Variants in MYOM3 observed in about 807,000 individuals in gnomAD.
The protein encoded by MYOM3 is myomesin-3.
A neutral mutation model predicts 191.7 loss-of-function variants in MYOM3; 155 were observed. The observed-to-expected ratio is 0.81, with a 90% CI of 0.71 to 0.92. MYOM3 has a LOEUF of 0.92. MYOM3 is among the 40% of genes least tolerant of loss of function. MYOM3 has a pLI of 0.00. For synonymous variants in MYOM3, 757 were observed against 762.9 expected (o/e 0.99, Z 0.13); for missense variants, 1,889 against 1,890.6 (o/e 1.00, Z 0.02).
chr1:24,074,652 T>C (rs1398938275), intron 22 of MYOM3, among the ~76,000 whole-genome samples: 2 of 152,098 alleles, frequency 1.3e-5, no homozygotes, highest in Non-Finnish European at 2.9e-5. Context: ...ATACTATAGA[T>C]GAAGAACCTG....
chr1:24,094,371 C>T (rs1222140276), intron 9 of MYOM3, among the ~76,000 whole-genome samples: 6 of 152,098 alleles, frequency 3.9e-5, no homozygotes, highest in Admixed American at 1.3e-4. Context: ...GGGGTTTTGC[C>T]ATGTTGGCTA....
chr1:24,064,682 T>C (rs1019652618), intron 29 of MYOM3, among the ~76,000 whole-genome samples: 2 of 152,240 alleles, frequency 1.3e-5, no homozygotes, highest in Non-Finnish European at 2.9e-5. Flanking sequence ...ACTTGAGTTG[T>C]GCTTTCAAGG....
At position 24,063,621 on chromosome 1, in the gene MYOM3, G is replaced by T; in HGVS notation, c.3623-91C>A. 6.9e-7 allele frequency: 1 copy of T among 1,459,296 alleles called. No homozygotes were observed. Among genetic ancestry groups the T allele is most frequent in the Non-Finnish European group, 9.5e-7 (1 of 1,047,244 alleles). The allele number at this position is 1,459,296 out of a possible 1,614,324, so 90.4% of individuals were successfully genotyped here. On this transcript the variant is annotated intron_variant, in intron 30 of 36. Coordinates refer to ENST00000374434, the MANE Select transcript of MYOM3 (RefSeq NM_152372.4). This position sits in a 1 kb window ranked among gnomAD's most constrained non-coding sequence, Gnocchi z 4.5. ...GACATCCTAGAAAAAGGCTGGTGGAGCCCGTGAGCTGCTCTCAGGGGGACA... is the reference window on the plus strand; with the variant it reads ...GACATCCTAGAAAAAGGCTGGTGGATCCCGTGAGCTGCTCTCAGGGGGACA...
intron 34 of MYOM3, 21 bp from the exon 35 acceptor site, chr1:24,061,103 C>T (rs763787994): frequency 5.6e-6 from 9 of 1,614,030 alleles, no homozygotes; most frequent in Middle Eastern, 1.6e-4. Flanking sequence ...GAAATGGGAA[C>T]AAGGTGTGAC....
chr1:24,067,411 C>T lies in MYOM3; in HGVS notation c.3356-323G>A, dbSNP rs12030024. On this transcript the variant is annotated intron_variant, in intron 27 of 36. Transcript: ENST00000374434. The stretch of plus-strand genomic sequence containing the variant: ...TTTTCCTTCCTTCCTTCCTTCCTTC[C>T]TTCCTTCCTTCCTTCCTTCCTTCCT... 5.1e-4 allele frequency among the ~76,000 whole-genome samples: 47 copies of T among 92,578 alleles called. 1 individual carries two copies. The highest frequency in any genetic ancestry group is 1.7e-3 in the East Asian group (5 of 2,916). 60.7% of individuals were successfully genotyped at this position (92,578 alleles called of 152,430 possible).
chr1:24,071,161 C>A lies in MYOM3; in HGVS notation c.3106G>T (p.Glu1036Ter). ...LEVEKLSPAA[E>*]LHLIFNNKEI... ...TTGTTGTTGAAGATTAGATGTAGCT[C>A]AGCGGCTGGAGATAACTTTTCTACT... The change falls in exon 25 of 37, where the codon GAG becomes TAG. Residue 1036 changes from glutamate to a stop codon, truncating the protein, a stop_gained. Coordinates refer to ENST00000374434, the MANE Select transcript of MYOM3 (RefSeq NM_152372.4). LOFTEE classifies it high-confidence loss of function. 6.2e-7 allele frequency: 1 copy of A among 1,614,204 alleles called. No individual in the cohort carries two copies. Among genetic ancestry groups the A allele is most frequent in the Non-Finnish European group, 8.5e-7 (1 of 1,180,032 alleles).
At position 24,093,049 on chromosome 1, in the gene MYOM3, G is replaced by T; in HGVS notation, c.988C>A (p.Leu330Met). ...KILYTDRQAS[L>M]KVSCTYKEDE... ...TCCTTGTAGGTGCAGGACACCTTCA[G>T]GGATGCCTGGCGGTCTGTGTAGAGG... is the stretch of plus-strand genomic sequence containing the variant. The change falls in exon 10 of 37, where the codon CTG becomes ATG. Residue 330 changes from leucine to methionine, a missense_variant. Coordinates refer to ENST00000374434, the MANE Select transcript of MYOM3 (RefSeq NM_152372.4). 2 of 1,613,148 alleles carry T rather than the reference G, an allele frequency of 1.2e-6. No individual in the cohort carries two copies. The highest frequency in any genetic ancestry group is 8.5e-7 in the Non-Finnish European group (1 of 1,179,854).
chr1:24,068,439 A>C, intron 25 of MYOM3, 72 bp from the exon 26 acceptor site: 4 of 1,581,222 alleles, frequency 2.5e-6, no homozygotes, highest in Non-Finnish European at 3.5e-6. Context: ...ATCAGAGTGT[A>C]GTGGGCTTGG....
In MYOM3 at chr1:24,071,177, C is replaced by G; in HGVS notation, c.3090G>C (p.Lys1030Asn). The change falls in exon 25 of 37, where the codon AAG becomes AAC. Residue 1030 changes from lysine to asparagine, a missense_variant. By Grantham distance (94) the Lys-to-Asn change is moderately conservative (BLOSUM62 0). Coordinates refer to ENST00000374434, the MANE Select transcript of MYOM3 (RefSeq NM_152372.4). The stretch of plus-strand genomic sequence containing the variant: ...GATGTAGCTCAGCGGCTGGAGATAA[C>G]TTTTCTACTTCCAGCCAAAGCCGCA... ...GEVRLWLEVE[K>N]LSPAAELHLI... 3.1e-6 allele frequency: 5 copies of G among 1,614,162 alleles called. No individual in the cohort carries two copies. The highest frequency in any genetic ancestry group is 4.2e-6 in the Non-Finnish European group (5 of 1,180,008).
At chr1:24,061,528 A>AT (rs1198753705) in intron 33 of MYOM3, among the ~76,000 whole-genome samples, 1 of 152,180 alleles carries the variant, frequency 6.6e-6, no homozygotes, top group Non-Finnish European at 1.5e-5. Flanking sequence ...TTAGCTAAAA[A>AT]TTTTTTAAAA....
At chr1:24,089,754 AC>A in intron 13 of MYOM3, 89 bp from the exon 14 acceptor site, 1 of 1,407,648 alleles carries the variant, frequency 7.1e-7, no homozygotes, top group Non-Finnish European at 9.6e-7. Context: ...AGGGAACTAC[AC>A]CCCTACCCAT....
chr1:24,106,037 A>G lies in MYOM3; in HGVS notation c.443T>C (p.Leu148Pro), dbSNP rs1643980309. 6.2e-7 allele frequency: 1 copy of G among 1,613,466 alleles called. No homozygotes were observed. Among genetic ancestry groups the G allele is most frequent in the African/African-American group, 1.3e-5 (1 of 74,942 alleles). The change falls in exon 5 of 37, where the codon CTG becomes CCG. Residue 148 changes from leucine (L) to proline (P), a missense_variant. Transcript: ENST00000374434. ...KVQEAKELRE[L>P]CYGRGPWFWI... ...GAACCAGGGCCCGCGGCCGTAGCAC[A>G]GCTCCCTCAGCTCCTTGGCCTCCTG... is the stretch of plus-strand genomic sequence containing the variant.
intron 21 of MYOM3, among the ~76,000 whole-genome samples, chr1:24,075,792 C>G (rs147328939): frequency 2.6e-5 from 4 of 152,208 alleles, no homozygotes; most frequent in African/African-American, 9.6e-5. Context: ...CTGCTCCCCC[C>G]ACCCCTACAT....
At chr1:24,108,231 C>A (rs1168341986) in intron 2 of MYOM3, 158 bp from the exon 3 acceptor site, 1 of 778,314 alleles carries the variant, frequency 1.3e-6, no homozygotes, top group Non-Finnish European at 2.0e-6. Flanking sequence ...GCTGCATCCC[C>A]CCGACCCTGA....
In MYOM3 at chr1:24,057,392, T is replaced by C; in HGVS notation, c.4286A>G (p.Asp1429Gly). 1 of 1,613,854 alleles carries C rather than the reference T, an allele frequency of 6.2e-7. No individual in the cohort carries two copies. The highest frequency in any genetic ancestry group is 8.5e-7 in the Non-Finnish European group (1 of 1,180,030). The change falls in exon 37 of 37, where the codon GAC (aspartate) becomes GGC (glycine). Residue 1429 changes from aspartate to glycine, a missense_variant. Transcript: ENST00000374434. ...CATGCTCTTCAGCTCCTTGGGCTCG[T>C]CCCCGTGCTTGAACACACTGATGGT... is the stretch of plus-strand genomic sequence containing the variant. Reference protein sequence around the residue: ...QVTISVFKHGDEPKELKSM With the variant: ...QVTISVFKHGGEPKELKSM
At chr1:24,098,910 G>A (rs545207224) in intron 6 of MYOM3, among the ~76,000 whole-genome samples, 5 of 152,274 alleles carry the variant, frequency 3.3e-5, no homozygotes, top group African/African-American at 7.2e-5. Flanking sequence ...AGGCCCTGTC[G>A]CATAGTAGCT....
At chr1:24,070,779 A>C (rs1643521485) in intron 25 of MYOM3, among the ~76,000 whole-genome samples, 1 of 152,218 alleles carries the variant, frequency 6.6e-6, no homozygotes, top group East Asian at 1.9e-4. Flanking sequence ...GTTAGAGTCT[A>C]GCCTTGGATA....
chr1:24,074,106 G>C lies in MYOM3; in HGVS notation c.2968+54C>G, dbSNP rs1643566757. ...TTTTTGCTGACCTGTGTGGGCATTT[G>C]TGTTTGGGACTCTCTCTCTGGGGAG... On this transcript the variant is annotated intron_variant, in intron 23 of 36. Coordinates refer to ENST00000374434, the MANE Select transcript of MYOM3 (RefSeq NM_152372.4). 4 of 1,436,798 alleles carry C rather than the reference G, an allele frequency of 2.8e-6. No homozygotes were observed. In the South Asian group the frequency reaches 4.7e-5, roughly 17 times the overall value. 89.0% of individuals were successfully genotyped at this position (1,436,798 alleles called of 1,614,324 possible).
chr1:24,060,165 A>G (rs1238470423), intron 35 of MYOM3, among the ~76,000 whole-genome samples: 2 of 152,070 alleles, frequency 1.3e-5, no homozygotes, highest in East Asian at 3.9e-4. Context: ...GAATGATTAG[A>G]TTCATGGTAC....
Sources: gnomAD v4.1 joint callset for allele counts (sites outside exome capture counted in the v4.1 genomes callset) on GRCh38, gnomAD v4.1.1 for gene constraint, Gnocchi (gnomAD v3.1) non-coding constraint, MANE v1.5 for transcripts, NCBI Gene and HGNC (gene_info 2026-07-23, HGNC 2026-07-21) for gene names.